The following KDM3B variants were observed in gnomAD, a reference collection of about 807,000 sequenced individuals.
KDM3B encodes lysine demethylase 3B, also known as lysine-specific demethylase 3B.
Under a neutral mutation model 170.0 loss-of-function variants are expected in KDM3B, and 10 were observed. The ratio of observed to expected loss-of-function variants is 0.06; its 90% confidence interval spans 0.04 to 0.10. The LOEUF (loss-of-function observed/expected upper bound fraction) is 0.10, where lower values mean the gene tolerates loss of function less well. KDM3B is among the 10% of genes least tolerant of loss of function. The probability of loss-of-function intolerance (pLI) is 1.00; values close to 1 mark genes in which losing one functional copy is unlikely to be tolerated. For missense variants in KDM3B, 1,394 were observed against 2,195.2 expected, an observed-to-expected ratio of 0.64 and a Z score of 7.29; for synonymous variants, 831 against 834.8, an observed-to-expected ratio of 1.00 and a Z score of 0.08.
rs187940384 is a variant in KDM3B, at chr5:138,382,674, T to A, written c.780+1084T>A. On this transcript the variant is annotated intron_variant, in intron 6 of 23. Coordinates refer to ENST00000314358, the MANE Select transcript of KDM3B (RefSeq NM_016604.4). ...GATCAGAATAGGAAAAGAAAAAAAA[T>A]TTTTTTTTTTTGAGGCAGGGTCTCG... 3.1e-3 allele frequency among the ~76,000 whole-genome samples: 465 copies of A among 148,284 alleles called. 2 individuals carry two copies. The highest frequency in any genetic ancestry group is 9.1e-3 in the African/African-American group (370 of 40,694).
intron 12 of KDM3B, among the ~76,000 whole-genome samples, chr5:138,417,194 T>C (rs779981755): frequency 6.6e-6 from 1 of 152,238 alleles, no homozygotes; most frequent in Non-Finnish European, 1.5e-5. Flanking sequence ...TAATGTTTAC[T>C]AGAAGAGGGA....
At position 138,405,576 on chromosome 5, in the gene KDM3B, C is replaced by T. The variant is rs189847377; in HGVS notation, c.3199+5564C>T. On this transcript the variant is annotated intron_variant, in intron 11 of 23. Transcript: ENST00000314358. ...AACCAAGAAAAGCTGATAGAATGCA[C>T]CACCAGCAGATCCACACGATAATAA... Among the ~76,000 whole-genome samples the T allele has an allele frequency of 3.4e-5, 5 of 148,702 alleles. No individual in the cohort carries two copies. In the East Asian group the frequency reaches 1.0e-3, roughly 30 times the overall value.
At chr5:138,357,145 C>A (rs896640365) in intron 1 of KDM3B, among the ~76,000 whole-genome samples, 3 of 152,038 alleles carry the variant, frequency 2.0e-5, no homozygotes, top group African/African-American at 7.2e-5. Context: ...CGCCACCGGG[C>A]CTGGCTAGTT....
At chr5:138,363,264 G>C (rs1475277278) in intron 1 of KDM3B, among the ~76,000 whole-genome samples, 1 of 152,102 alleles carries the variant, frequency 6.6e-6, no homozygotes, top group Non-Finnish European at 1.5e-5. Flanking sequence ...CTATTAGGCT[G>C]ATGTTCACTT....
At position 138,431,419 on chromosome 5, in the gene KDM3B, TC is replaced by T; in HGVS notation, c.5071-5del. On this transcript the variant is annotated splice_polypyrimidine_tract_variant and splice_region_variant and intron_variant, in intron 22 of 23. Coordinates refer to ENST00000314358, the MANE Select transcript of KDM3B (RefSeq NM_016604.4). ...ATATTTCTCCTCTGCACTTTGCCCT[TC>T]TCAGGTTCACAATCTATACAGTTGC... is the stretch of plus-strand genomic sequence containing the variant. 1 of 1,587,216 alleles carries T rather than the reference TC, an allele frequency of 6.3e-7. No homozygotes were observed. Among genetic ancestry groups the T allele is most frequent in the South Asian group, 1.2e-5 (1 of 86,022 alleles).
rs1246466946 is a variant in KDM3B at position 138,393,523 on chromosome 5, T to C, written c.2831+151T>C. 6 of 651,000 alleles carry C rather than the reference T, an allele frequency of 9.2e-6. No homozygotes were observed. In the Admixed American group the frequency reaches 1.2e-4, roughly 13 times the overall value. The allele number at this position is 651,000 out of a possible 1,614,324, so 40.3% of individuals were successfully genotyped here. A position where few individuals can be genotyped will look rare whatever the true frequency, so the allele number is the denominator to read the frequency against. ...CAGCGTCTGTGAAGAGGCTCTGGCA[T>C]AGTAGTCACTTAGTTGTTTGGATTG... On this transcript the variant is annotated intron_variant, in intron 9 of 23. Transcript: ENST00000314358.
At chr5:138,400,381 ACCGTAC>A (rs1762652534) in intron 11 of KDM3B, among the ~76,000 whole-genome samples, 2 of 151,972 alleles carry the variant, frequency 1.3e-5, no homozygotes, top group Admixed American at 6.6e-5. Flanking sequence ...GGCATGAGCC[ACCGTAC>A]CTGTGTTTTT....
intron 12 of KDM3B, among the ~76,000 whole-genome samples, chr5:138,415,845 T>C (rs1025099062): frequency 5.3e-5 from 8 of 152,148 alleles, no homozygotes; most frequent in Non-Finnish European, 8.8e-5. Flanking sequence ...TTTCCAGATA[T>C]CATTTCCCAT....
intron 14 of KDM3B, among the ~76,000 whole-genome samples, chr5:138,420,115 C>A (rs926045958): frequency 1.3e-5 from 2 of 152,092 alleles, no homozygotes; most frequent in Admixed American, 6.5e-5. Context: ...CTCAAACTCC[C>A]GACCTCAAGT....
chr5:138,368,252 A>G (rs1477064159), intron 1 of KDM3B, among the ~76,000 whole-genome samples: 1 of 138,766 alleles, frequency 7.2e-6, no homozygotes, highest in Non-Finnish European at 1.5e-5. Context: ...TTTTTTTTGG[A>G]GACAGGGTCT....
chr5:138,403,781 C>T (rs936269315), intron 11 of KDM3B, among the ~76,000 whole-genome samples: 3 of 149,702 alleles, frequency 2.0e-5, no homozygotes, highest in Non-Finnish European at 3.0e-5. Context: ...TCACTTAAGC[C>T]GAGGAGTTCA....
intron 11 of KDM3B, among the ~76,000 whole-genome samples, chr5:138,400,227 GT>G (rs1186065194): frequency 1.3e-5 from 2 of 148,884 alleles, no homozygotes; most frequent in South Asian, 2.1e-4. Flanking sequence ...TTTTTCCTTG[GT>G]TTTTTTTTTG....
chr5:138,356,266 G>C (rs945918089), intron 1 of KDM3B, among the ~76,000 whole-genome samples: 2 of 152,144 alleles, frequency 1.3e-5, no homozygotes, highest in African/African-American at 4.8e-5. Context: ...GTTCGGTTAA[G>C]AAGTATATGT....
In KDM3B at chr5:138,417,331, C is replaced by T. The variant is rs796300522; in HGVS notation, c.3308-152C>T. Reference sequence around the variant, plus strand: ...AAATGGCCTAACTTCTTCTCTCAGCCTCAGTTTGATCATCAAAAATTGAAG... The same window carrying T: ...AAATGGCCTAACTTCTTCTCTCAGCTTCAGTTTGATCATCAAAAATTGAAG... On this transcript the variant is annotated intron_variant, in intron 12 of 23. Coordinates refer to ENST00000314358, the MANE Select transcript of KDM3B (RefSeq NM_016604.4). The T allele has an allele frequency of 2.4e-5, 18 of 741,546 alleles. No individual in the cohort carries two copies. The African/African-American group carries it at 2.7e-4, about 11-fold the overall frequency. 45.9% of individuals were successfully genotyped at this position (741,546 alleles called of 1,614,324 possible). A position where few individuals can be genotyped will look rare whatever the true frequency, so the allele number is the denominator to read the frequency against.
intron 11 of KDM3B, among the ~76,000 whole-genome samples, chr5:138,406,645 A>G (rs947768906): frequency 6.6e-6 from 1 of 152,236 alleles, no homozygotes; most frequent in Non-Finnish European, 1.5e-5. Context: ...TCTCAATAAA[A>G]AAAAAGAAAA....
At position 138,391,048 on chromosome 5, in the gene KDM3B, T is replaced by C; in HGVS notation, c.1416T>C (p.Phe472=). 1 of 1,586,104 alleles carries C rather than the reference T, an allele frequency of 6.3e-7. No individual in the cohort carries two copies. The highest frequency in any genetic ancestry group is 8.6e-7 in the Non-Finnish European group (1 of 1,166,574). Residue 472 remains phenylalanine (F), a synonymous_variant, in exon 8 of 24, where the codon TTT becomes TTC. Transcript: ENST00000314358. The surrounding 1 kb of genome is among the most constrained non-coding windows in gnomAD (Gnocchi z 5.0). The part of the protein sequence containing the change: ...SRNSILASSG[F]GAPLPSSSQP... ...ATTCTATTCTGGCCTCTTCTGGATT[T>C]GGAGCACCTCTCCCTAGTTCATCGC...
chr5:138,368,847 T>C (rs1654263137), intron 1 of KDM3B, among the ~76,000 whole-genome samples: 1 of 152,196 alleles, frequency 6.6e-6, no homozygotes, highest in African/African-American at 2.4e-5. Flanking sequence ...AAAATGTAAC[T>C]CCCAAATATT....
At chr5:138,398,675 TTTGCCTCA>T (rs1762604933) in intron 10 of KDM3B, among the ~76,000 whole-genome samples, 1 of 152,074 alleles carries the variant, frequency 6.6e-6, no homozygotes, top group Non-Finnish European at 1.5e-5. Context: ...CCCATTTGGG[TTTGCCTCA>T]CTCTGAATAT....
chr5:138,391,848 C>T lies in KDM3B; in HGVS notation c.2216C>T (p.Pro739Leu). The change falls in exon 8 of 24, where the codon CCA becomes CTA. Residue 739 changes from proline (P) to leucine (L), a missense_variant. Pro to Leu is a moderately conservative substitution (Grantham distance 98). Coordinates refer to ENST00000314358, the MANE Select transcript of KDM3B (RefSeq NM_016604.4). The surrounding 1 kb of genome is among the most constrained non-coding windows in gnomAD (Gnocchi z 5.0). ...TSSLTQPIEM[P>L]TLSSSPTEER... ...AGCCTCACTCAGCCCATTGAGATGCCAACTCTCTCCTCTAGCCCCACAGAG... is the reference window on the plus strand; with the variant it reads ...AGCCTCACTCAGCCCATTGAGATGCTAACTCTCTCCTCTAGCCCCACAGAG... 1 of 1,614,152 alleles carries T rather than the reference C, an allele frequency of 6.2e-7. No homozygotes were observed. The highest frequency in any genetic ancestry group is 8.5e-7 in the Non-Finnish European group (1 of 1,180,030).
Sources: gnomAD v4.1 joint callset for allele counts (sites outside exome capture counted in the v4.1 genomes callset) on GRCh38, gnomAD v4.1.1 for gene constraint, Gnocchi (gnomAD v3.1) non-coding constraint, MANE v1.5 for transcripts, NCBI Gene and HGNC (gene_info 2026-07-23, HGNC 2026-07-21) for gene names.